The following ADNP2 variants were observed in gnomAD, a reference collection of about 807,000 sequenced individuals.
The protein encoded by ADNP2 is activity-dependent neuroprotector homeobox protein 2.
In ADNP2, 8 loss-of-function variants were observed where a neutral mutation model predicts 16.4. The observed-to-expected ratio is 0.49, with a 90% CI of 0.29 to 0.88. The LOEUF (loss-of-function observed/expected upper bound fraction) is 0.88. ADNP2 is among the 40% of genes least tolerant of loss of function. The pLI, the probability that ADNP2 is intolerant of heterozygous loss-of-function variation, is 0.09. For missense variants in ADNP2, 1,397 were observed against 1,395.1 expected (o/e 1.00, Z -0.02); for synonymous variants, 637 against 545.8 (o/e 1.17, Z -2.33).
At chr18:80,132,487 C>T (rs143613698) in intron 2 of ADNP2, among the ~76,000 whole-genome samples, 254 of 152,328 alleles carry the variant, frequency 1.7e-3, no homozygotes, top group African/African-American at 5.5e-3. Context: ...AACCAGTCCC[C>T]TATGGATACC....
intron 2 of ADNP2, among the ~76,000 whole-genome samples, chr18:80,130,053 G>T: frequency 6.6e-6 from 1 of 152,204 alleles, no homozygotes; most frequent in East Asian, 1.9e-4. Context: ...GGTGATTCGT[G>T]AAATGCCTTT....
Position 80,136,515 on chromosome 18 carries a change from A to G in ADNP2, c.1102A>G (p.Asn368Asp). ...CGGGGTTCCACTTCATCAGTCTGTG[A>G]ATCCTCCTGTGTTGCCCTTGAGTCA... Reference protein sequence around the residue: ...SHGVPLHQSVNPPVLPLSQPV... With the variant: ...SHGVPLHQSVDPPVLPLSQPV... The change falls in exon 4 of 4, where the codon AAT becomes GAT. Residue 368 changes from asparagine to aspartate, a missense_variant. By Grantham distance (23) the Asn-to-Asp change is conservative. This residue lies in a region of ADNP2 where 777 missense variants were observed against 719.4 expected (regional missense o/e 1.08). Transcript: ENST00000262198. 1 of 1,614,134 alleles carries G rather than the reference A, an allele frequency of 6.2e-7. No homozygotes were observed. The highest frequency in any genetic ancestry group is 1.1e-5 in the South Asian group (1 of 91,086).
At chr18:80,133,512 G>A in intron 3 of ADNP2, among the ~76,000 whole-genome samples, 1 of 152,208 alleles carries the variant, frequency 6.6e-6, no homozygotes, top group Admixed American at 6.5e-5. Context: ...ACTACATTAA[G>A]TGCATACAGT....
chr18:80,138,132 G>T lies in ADNP2; in HGVS notation c.2719G>T (p.Val907Phe). The change falls in exon 4 of 4, where the codon GTC (valine) becomes TTC (phenylalanine). Residue 907 changes from valine to phenylalanine, a missense_variant. Val to Phe is a conservative substitution (Grantham distance 50). Around this residue, in one of 3 missense-constraint regions of ADNP2, gnomAD observed 611 missense variants for 648.7 expected, o/e 0.94. Coordinates refer to ENST00000262198, the MANE Select transcript of ADNP2 (RefSeq NM_014913.4). ...CCACATCATGCCCACAGTCCACACG[G>T]TCCTGAAGTCTCCCGCCTTCAAGTG... Reference protein sequence around the residue: ...RHHIMPTVHTVLKSPAFKCIH... With the variant: ...RHHIMPTVHTFLKSPAFKCIH... The T allele has an allele frequency of 6.2e-7, 1 of 1,614,016 alleles. No homozygotes were observed. The highest frequency in any genetic ancestry group is 8.5e-7 in the Non-Finnish European group (1 of 1,180,026).
intron 2 of ADNP2, among the ~76,000 whole-genome samples, chr18:80,131,922 A>G (rs186311745): frequency 6.2e-4 from 95 of 152,200 alleles, no homozygotes; most frequent in African/African-American, 2.1e-3. Context: ...AAATCATGCT[A>G]CTATGAAGAT....
chr18:80,111,402 T>C (rs1038079776), intron 1 of ADNP2, among the ~76,000 whole-genome samples: 31 of 152,124 alleles, frequency 2.0e-4, no homozygotes, highest in African/African-American at 7.0e-4. Context: ...GAGTAAGTGA[T>C]TTCCTGAAGA....
At position 80,135,835 on chromosome 18, in the gene ADNP2, T is replaced by C. The variant is rs1342763674; in HGVS notation, c.422T>C (p.Ile141Thr). ...AAAGTCCAGAACTACACAGTGAATATTTTAGGTGAAACTAAATCATCTAGG... is the reference window on the plus strand; with the variant it reads ...AAAGTCCAGAACTACACAGTGAATACTTTAGGTGAAACTAAATCATCTAGG... ...VRKVQNYTVN[I>T]LGETKSSRSD... The change falls in exon 4 of 4, where the codon ATT (isoleucine) becomes ACT (threonine). Residue 141 changes from isoleucine to threonine, a missense_variant. Physicochemically the swap from Ile to Thr is moderately conservative, Grantham distance 89 (BLOSUM62 -1). Around this residue, in one of 3 missense-constraint regions of ADNP2, gnomAD observed 777 missense variants for 719.4 expected, o/e 1.08. Coordinates refer to ENST00000262198, the MANE Select transcript of ADNP2 (RefSeq NM_014913.4). 2 of 1,614,218 alleles carry C rather than the reference T, an allele frequency of 1.2e-6. No homozygotes were observed. Among genetic ancestry groups the C allele is most frequent in the Admixed American group, 3.3e-5 (2 of 60,032 alleles).
At position 80,137,111 on chromosome 18, in the gene ADNP2, A is replaced by G; in HGVS notation, c.1698A>G (p.Gln566=). ...AGCCAGTGAGGCCTGGGGTCTTGCA[A>G]CTCAACCAGACTGTGGGCACCAACA... ...VGQPVRPGVL[Q]LNQTVGTNIL... The change falls in exon 4 of 4, where the codon CAA becomes CAG. Residue 566 remains glutamine (Q), a synonymous_variant. Coordinates refer to ENST00000262198, the MANE Select transcript of ADNP2 (RefSeq NM_014913.4). This position sits in a 1 kb window ranked among gnomAD's most constrained non-coding sequence, Gnocchi z 4.2. 1.2e-6 allele frequency: 2 copies of G among 1,614,050 alleles called. No homozygotes were observed. Among genetic ancestry groups the G allele is most frequent in the Non-Finnish European group, 1.7e-6 (2 of 1,180,012 alleles).
Position 80,132,663 on chromosome 18 carries a change from C to T in ADNP2, c.109-440C>T, listed in dbSNP as rs551737075. Among the ~76,000 whole-genome samples, 328 of 114,384 alleles carry T rather than the reference C, an allele frequency of 2.9e-3. 1 individual carries two copies. Among genetic ancestry groups the T allele is most frequent in the Non-Finnish European group, 4.5e-3 (254 of 56,032 alleles). The allele number at this position is 114,384 out of a possible 152,430, so 75.0% of individuals were successfully genotyped here. A position where few individuals can be genotyped will look rare whatever the true frequency, so the allele number is the denominator to read the frequency against. ...TTTTTTCTCTCTCTCACTCTCTCCT[C>T]TCTCCCCTCTTCCTCCCCTCTCTCC... is the stretch of plus-strand genomic sequence containing the variant. On this transcript the variant is annotated intron_variant, in intron 2 of 3. Coordinates refer to ENST00000262198, the MANE Select transcript of ADNP2 (RefSeq NM_014913.4).
chr18:80,118,719 G>A (rs1020595478), intron 2 of ADNP2, among the ~76,000 whole-genome samples: 1 of 152,268 alleles, frequency 6.6e-6, no homozygotes, highest in African/African-American at 2.4e-5. Flanking sequence ...AACATTGCTC[G>A]TGAACTTTTG....
chr18:80,131,569 CTTT>C (rs34075834), intron 2 of ADNP2, among the ~76,000 whole-genome samples: 93 of 113,496 alleles, frequency 8.2e-4, no homozygotes, highest in Non-Finnish European at 9.8e-4. Context: ...GATGAAGATT[CTTT>C]TTTTTTTTTT....
rs1316647314 is a variant in ADNP2 at position 80,136,174 on chromosome 18, A to G, written c.761A>G (p.His254Arg). 2 of 1,614,258 alleles carry G rather than the reference A, an allele frequency of 1.2e-6. No homozygotes were observed. Among genetic ancestry groups the G allele is most frequent in the East Asian group, 2.2e-5 (1 of 44,890 alleles). Residue 254 changes from histidine (H) to arginine (R), a missense_variant, in exon 4 of 4, where the codon CAT (histidine) becomes CGT (arginine). By Grantham distance (29) the His-to-Arg change is conservative. Coordinates refer to ENST00000262198, the MANE Select transcript of ADNP2 (RefSeq NM_014913.4). Reference sequence around the variant, plus strand: ...AAGCTTAGATCTGTGATTTCAGAACATATTAAGAGGACTGGACTCTTGAAG... The same window carrying G: ...AAGCTTAGATCTGTGATTTCAGAACGTATTAAGAGGACTGGACTCTTGAAG... ...ENKLRSVISE[H>R]IKRTGLLKQT...
At chr18:80,127,189 C>T (rs1203148658) in intron 2 of ADNP2, among the ~76,000 whole-genome samples, 1 of 152,124 alleles carries the variant, frequency 6.6e-6, no homozygotes, top group Non-Finnish European at 1.5e-5. Context: ...TAGGAAAAAA[C>T]GTAGTATATG....
intron 2 of ADNP2, among the ~76,000 whole-genome samples, chr18:80,125,222 T>C (rs953330576): frequency 5.9e-5 from 9 of 152,212 alleles, no homozygotes; most frequent in Admixed American, 1.3e-4. Context: ...CTTGCTGTTA[T>C]TGTAAATACA....
chr18:80,137,841 T>G lies in ADNP2; in HGVS notation c.2428T>G (p.Leu810Val). 4.3e-6 allele frequency: 7 copies of G among 1,614,008 alleles called. No homozygotes were observed. The highest frequency in any genetic ancestry group is 5.9e-6 in the Non-Finnish European group (7 of 1,180,014). Residue 810 changes from leucine to valine, a missense_variant, in exon 4 of 4, where the codon TTA becomes GTA. This residue lies in a region of ADNP2 where 611 missense variants were observed against 648.7 expected (regional missense o/e 0.94). Transcript: ENST00000262198. This position sits in a 1 kb window ranked among gnomAD's most constrained non-coding sequence, Gnocchi z 4.2. ...GGATTATAGCAACAGAGGTTTTCAA[T>G]TAGATGTCGATGCCAATGGCAACCT... ...PMDYSNRGFQLDVDANGNLLF... is the reference protein window; with the variant it reads ...PMDYSNRGFQVDVDANGNLLF...
In ADNP2 at chr18:80,136,439, G is replaced by A; in HGVS notation, c.1026G>A (p.Gln342=). 1.2e-6 allele frequency: 2 copies of A among 1,614,136 alleles called. No homozygotes were observed. The highest frequency in any genetic ancestry group is 2.2e-5 in the South Asian group (2 of 91,074). The change falls in exon 4 of 4, where the codon CAG becomes CAA. Residue 342 remains glutamine, a synonymous_variant. Transcript: ENST00000262198. The part of the protein sequence containing the change: ...TLVSSPLPVG[Q]NSLTLQPPAP... ...TCTCCAGCCCTCTGCCTGTGGGCCA[G>A]AACAGCCTCACCCTGCAGCCCCCAG...
At chr18:80,134,385 G>A (rs2052517829) in intron 3 of ADNP2, among the ~76,000 whole-genome samples, 1 of 104,074 alleles carries the variant, frequency 9.6e-6, no homozygotes, top group Non-Finnish European at 2.2e-5. Context: ...AAGAATGGAA[G>A]AGTGTGTGTG....
rs1341472474 is a variant in ADNP2 at position 80,139,678 on chromosome 18, C to G, written c.*869C>G. 1 of 152,492 alleles carries G rather than the reference C, an allele frequency of 6.6e-6. No individual in the cohort carries two copies. The highest frequency in any genetic ancestry group is 1.9e-4 in the East Asian group (1 of 5,190). The allele number at this position is 152,492 out of a possible 1,614,324, so 9.4% of individuals were successfully genotyped here. ...CAAAACTCTTCTCCTAACTTAACTACTCATAAACTAGTGAAAGGGAAGGTC... is the reference window on the plus strand; with the variant it reads ...CAAAACTCTTCTCCTAACTTAACTAGTCATAAACTAGTGAAAGGGAAGGTC... On this transcript the variant is annotated 3_prime_UTR_variant, in exon 4 of 4. Transcript: ENST00000262198.
chr18:80,137,065 C>T lies in ADNP2; in HGVS notation c.1652C>T (p.Ser551Leu), dbSNP rs1408946520. The T allele has an allele frequency of 7.4e-6, 12 of 1,614,000 alleles. No individual in the cohort carries two copies. Among genetic ancestry groups the T allele is most frequent in the South Asian group, 2.2e-5 (2 of 91,084 alleles). Residue 551 changes from serine to leucine, a missense_variant, in exon 4 of 4, where the codon TCG becomes TTG. This residue lies in a region of ADNP2 where 777 missense variants were observed against 719.4 expected (regional missense o/e 1.08). Transcript: ENST00000262198. The surrounding 1 kb of genome is among the most constrained non-coding windows in gnomAD (Gnocchi z 4.2). ...GVLQLSQPVV[S>L]GVLPVGQPVR... is the part of the protein sequence containing the mutation. ...CTGCAGCTTAGTCAGCCTGTTGTGT[C>T]GGGAGTTCTTCCTGTGGGCCAGCCA...
Sources: allele counts gnomAD v4.1 joint callset (sites outside exome capture counted in the v4.1 genomes callset), GRCh38; gene constraint gnomAD v4.1.1; regional missense constraint gnomAD v4.1.1; non-coding constraint Gnocchi (gnomAD v3.1); transcripts MANE v1.5; gene names NCBI Gene and HGNC (gene_info 2026-07-23, HGNC 2026-07-21).